Variants in SPAG16 observed in about 807,000 individuals in gnomAD.
SPAG16 encodes the protein sperm-associated antigen 16 protein.
In SPAG16, 86 loss-of-function variants were observed where a neutral mutation model predicts 80.4. The observed-to-expected ratio is 1.07, with a 90% CI of 0.90 to 1.28. SPAG16 has a LOEUF of 1.28. Ranked by LOEUF, SPAG16 falls within the 50% of genes most tolerant of loss-of-function variation. The pLI, the probability that SPAG16 is intolerant of heterozygous loss-of-function variation, is 0.00. For missense variants in SPAG16, 870 were observed against 765.3 expected (o/e 1.14, Z -1.61); for synonymous variants, 294 against 265.9 (o/e 1.11, Z -1.03).
intron 12 of SPAG16, among the ~76,000 whole-genome samples, chr2:213,997,598 A>G (rs970821237): frequency 3.3e-5 from 5 of 152,192 alleles, no homozygotes; most frequent in Admixed American, 2.0e-4. Flanking sequence ...AGTGAATTAT[A>G]TCCTCATTCA....
chr2:214,001,005 T>C (rs1045036118), intron 12 of SPAG16, among the ~76,000 whole-genome samples: 3 of 152,202 alleles, frequency 2.0e-5, no homozygotes, highest in African/African-American at 7.2e-5. Context: ...GTTCCCAATA[T>C]CTGCTTTCTA....
At chr2:214,356,733 G>A (rs1455240106) in intron 15 of SPAG16, among the ~76,000 whole-genome samples, 1 of 151,752 alleles carries the variant, frequency 6.6e-6, no homozygotes, top group Admixed American at 6.6e-5. Flanking sequence ...TCACGCCACA[G>A]TTTTCTCTCT....
intron 12 of SPAG16, among the ~76,000 whole-genome samples, chr2:213,952,876 T>G (rs1212247960): frequency 6.6e-6 from 1 of 152,106 alleles, no homozygotes; most frequent in Non-Finnish European, 1.5e-5. Flanking sequence ...AGCTTCATTC[T>G]CATTTCTTAT....
intron 6 of SPAG16, among the ~76,000 whole-genome samples, chr2:213,346,613 G>T (rs562679344): frequency 1.3e-5 from 2 of 152,242 alleles, no homozygotes; most frequent in Admixed American, 6.5e-5. Flanking sequence ...TTTGTCAAAG[G>T]CCTTTTCTGC....
At chr2:213,617,287 T>C (rs1412265523) in intron 10 of SPAG16, among the ~76,000 whole-genome samples, 1 of 152,166 alleles carries the variant, frequency 6.6e-6, no homozygotes, top group Non-Finnish European at 1.5e-5. Context: ...ATGATGGGCC[T>C]GGCACCATAG....
chr2:214,221,712 G>A (rs1405009476), intron 15 of SPAG16, among the ~76,000 whole-genome samples: 1 of 152,000 alleles, frequency 6.6e-6, no homozygotes. Flanking sequence ...GACAAAAATG[G>A]CTTTAAAACT....
At chr2:214,015,615 CAAAG>C (rs1392353982) in intron 13 of SPAG16, among the ~76,000 whole-genome samples, 2 of 135,544 alleles carry the variant, frequency 1.5e-5, no homozygotes, top group African/African-American at 5.6e-5. Context: ...AAAAAAAAAT[CAAAG>C]AAAGAAAGGG....
chr2:213,907,258 GC>G (rs1370234913), intron 11 of SPAG16, among the ~76,000 whole-genome samples: 3 of 152,062 alleles, frequency 2.0e-5, no homozygotes, highest in African/African-American at 7.2e-5. Flanking sequence ...TGTACAAATG[GC>G]CTGATAGCAT....
chr2:213,721,722 G>A (rs947113515), intron 10 of SPAG16, among the ~76,000 whole-genome samples: 6 of 151,956 alleles, frequency 3.9e-5, no homozygotes, highest in African/African-American at 1.4e-4. Flanking sequence ...GTAAACCCTA[G>A]TATGCCAATC....
At chr2:213,495,043 C>T (rs2074421347) in intron 10 of SPAG16, among the ~76,000 whole-genome samples, 2 of 152,230 alleles carry the variant, frequency 1.3e-5, no homozygotes, top group Admixed American at 6.5e-5. Context: ...TAGTCACTTT[C>T]AGTCCTTTCA....
At chr2:213,473,176 GATTA>G (rs2073180408) in intron 9 of SPAG16, among the ~76,000 whole-genome samples, 1 of 152,170 alleles carries the variant, frequency 6.6e-6, no homozygotes, top group Non-Finnish European at 1.5e-5. Context: ...GGAACTCCGT[GATTA>G]ATTAGCCAAT....
intron 11 of SPAG16, among the ~76,000 whole-genome samples, chr2:213,892,184 G>A (rs926963649): frequency 1.3e-5 from 2 of 151,988 alleles, no homozygotes; most frequent in African/African-American, 2.4e-5. Context: ...TCCCTGCCAG[G>A]ACATCCCCTT....
intron 12 of SPAG16, among the ~76,000 whole-genome samples, chr2:214,009,282 T>G (rs1176319135): frequency 6.6e-6 from 1 of 152,122 alleles, no homozygotes; most frequent in Non-Finnish European, 1.5e-5. Context: ...TTCTCGCTGC[T>G]TCTCAACTCA....
intron 15 of SPAG16, among the ~76,000 whole-genome samples, chr2:214,162,364 AT>A (rs1292491827): frequency 2.0e-5 from 3 of 152,154 alleles, no homozygotes; most frequent in Non-Finnish European, 2.9e-5. Flanking sequence ...ATAGCAAGTT[AT>A]AAACCAAGTA....
chr2:214,083,594 C>G (rs1225131374), intron 13 of SPAG16, among the ~76,000 whole-genome samples: 1 of 152,174 alleles, frequency 6.6e-6, no homozygotes, highest in Non-Finnish European at 1.5e-5. Flanking sequence ...AGAACAGACT[C>G]AACTAATTAA....
chr2:213,608,158 T>A (rs2061327609), intron 10 of SPAG16, among the ~76,000 whole-genome samples: 1 of 152,052 alleles, frequency 6.6e-6, no homozygotes, highest in Non-Finnish European at 1.5e-5. Flanking sequence ...ATGATAGATA[T>A]TATACTTTCC....
intron 10 of SPAG16, among the ~76,000 whole-genome samples, chr2:213,728,223 T>A (rs1286436424): frequency 6.6e-5 from 10 of 152,184 alleles, no homozygotes; most frequent in African/African-American, 2.4e-4. Context: ...TAAATGAATG[T>A]GTTTGGCAGA....
intron 12 of SPAG16, among the ~76,000 whole-genome samples, chr2:213,983,462 A>G (rs2045864999): frequency 6.6e-6 from 1 of 151,960 alleles, no homozygotes; most frequent in Admixed American, 6.6e-5. Context: ...TATTATTTTA[A>G]TAAATGTCAT....
At chr2:214,228,783 C>G (rs1401010979) in intron 15 of SPAG16, among the ~76,000 whole-genome samples, 1 of 151,776 alleles carries the variant, frequency 6.6e-6, no homozygotes, top group Non-Finnish European at 1.5e-5. Flanking sequence ...ATCATTTAAT[C>G]TACATTTAAA....
Sources: allele counts gnomAD v4.1 joint callset (sites outside exome capture counted in the v4.1 genomes callset), GRCh38; gene constraint gnomAD v4.1.1; transcripts MANE v1.5; gene names NCBI Gene and HGNC (gene_info 2026-07-23, HGNC 2026-07-21).